MGST2: variants seen among roughly 807,000 people sequenced by gnomAD.
MGST2 encodes glutathione peroxidase MGST2.
MGST2 carries 9 observed loss-of-function variants against 16.6 expected under a neutral mutation model. The observed-to-expected ratio is 0.54, with a 90% CI of 0.33 to 0.95. MGST2 has a LOEUF of 0.95. MGST2 is among the 40% of genes least tolerant of loss of function. The pLI, the probability that MGST2 is intolerant of heterozygous loss-of-function variation, is 0.03. For synonymous variants in MGST2, 79 were observed against 68.0 expected, an observed-to-expected ratio of 1.16 and a Z score of -0.79; for missense variants, 159 against 175.1, an observed-to-expected ratio of 0.91 and a Z score of 0.52.
intron 1 of MGST2, among the ~76,000 whole-genome samples, chr4:139,674,493 C>G (rs1405030829): frequency 7.1e-6 from 1 of 141,550 alleles, no homozygotes; most frequent in Non-Finnish European, 1.5e-5. Flanking sequence ...CTTTTTTTAT[C>G]TGGTGTCTAG....
chr4:139,666,113 T>G (rs755244959), intron 1 of MGST2, 36 bp downstream of exon 1: 2 of 1,361,212 alleles, frequency 1.5e-6, no homozygotes, highest in Admixed American at 2.0e-5. Context: ...TGTGCGCGTG[T>G]GTGCGTGTGT....
chr4:139,698,789 TTTTCTTATCTTTTCC>T (rs1727082791), intron 3 of MGST2, among the ~76,000 whole-genome samples: 2 of 152,276 alleles, frequency 1.3e-5, no homozygotes, highest in Non-Finnish European at 2.9e-5. Context: ...TTCTTTTTTC[TTTTCTTATCTTTTCC>T]TTTCTTCTTT....
At position 139,730,323 on chromosome 4, in the gene MGST2, G is replaced by A. The variant is rs1056995319; in HGVS notation, c.*49-9889G>A. On this transcript the variant is annotated intron_variant, in intron 5 of 5. Coordinates refer to the MGST2 transcript ENST00000616265. ...GCTAGACCGTGAGCATCTTGATGGA[G>A]GATGTGAACTGCCACTTCCTCACAG... is the stretch of plus-strand genomic sequence containing the variant. The A allele has an allele frequency of 3.6e-6, 4 of 1,100,784 alleles. No individual in the cohort carries two copies. The African/African-American group carries it at 6.2e-5, about 17-fold the overall frequency. 68.2% of individuals were successfully genotyped at this position (1,100,784 alleles called of 1,614,324 possible).
chr4:139,665,829 G>T lies in MGST2; in HGVS notation c.-191G>T. 1 of 664,314 alleles carries T rather than the reference G, an allele frequency of 1.5e-6. No homozygotes were observed. Among genetic ancestry groups the T allele is most frequent in the Non-Finnish European group, 2.7e-6 (1 of 366,264 alleles). The allele number at this position is 664,314 out of a possible 1,614,324, so 41.2% of individuals were successfully genotyped here. A position where few individuals can be genotyped will look rare whatever the true frequency, so the allele number is the denominator to read the frequency against. On this transcript the variant is annotated 5_prime_UTR_variant, in exon 1 of 5. Coordinates refer to ENST00000265498, the MANE Select transcript of MGST2 (RefSeq NM_002413.5). Reference sequence around the variant, plus strand: ...GCAACTCCCAGCCCCATAAAGATCTGTGACCGGCAGCCCCAGACCTGCCTG... The same window carrying T: ...GCAACTCCCAGCCCCATAAAGATCTTTGACCGGCAGCCCCAGACCTGCCTG...
downstream of MGST2, among the ~76,000 whole-genome samples, chr4:139,744,412 C>T (rs1729259136): frequency 6.6e-6 from 1 of 152,132 alleles, no homozygotes; most frequent in Non-Finnish European, 1.5e-5. Context: ...ATATACCACC[C>T]CCCAGGAGCA....
At chr4:139,672,037 G>C (rs567992827) in intron 1 of MGST2, among the ~76,000 whole-genome samples, 1 of 152,298 alleles carries the variant, frequency 6.6e-6, no homozygotes, top group South Asian at 2.1e-4. Flanking sequence ...GGCTGGAGGT[G>C]AGCCCAGCTG....
intron 2 of MGST2, 133 bp downstream of exon 2, chr4:139,678,775 A>C: frequency 1.3e-6 from 1 of 756,966 alleles, no homozygotes; most frequent in Non-Finnish European, 2.3e-6. Context: ...CACTCTTCAC[A>C]GCCAAGACCG....
intron 3 of MGST2, among the ~76,000 whole-genome samples, chr4:139,695,738 C>T (rs1726881670): frequency 6.6e-6 from 1 of 152,204 alleles, no homozygotes; most frequent in Non-Finnish European, 1.5e-5. Flanking sequence ...ACTTTGGCTT[C>T]ATTCTAATTT....
intron 1 of MGST2, among the ~76,000 whole-genome samples, chr4:139,670,340 G>A (rs1730616471): frequency 6.6e-6 from 1 of 152,034 alleles, no homozygotes; most frequent in Non-Finnish European, 1.5e-5. Context: ...GAGTGACCAT[G>A]GCTCGGAGAA....
chr4:139,748,053 TAAAA>T, the MGST2 span, among the ~76,000 whole-genome samples: 13 of 95,532 alleles, frequency 1.4e-4, no homozygotes, highest in Admixed American at 2.3e-4. Flanking sequence ...AGACTTCGTC[TAAAA>T]AAAAAAAAAA....
At chr4:139,674,673 C>T (rs1730874955) in intron 1 of MGST2, among the ~76,000 whole-genome samples, 1 of 152,018 alleles carries the variant, frequency 6.6e-6, no homozygotes, top group Non-Finnish European at 1.5e-5. Context: ...CCCAGCTACT[C>T]AGGAGGTTGA....
downstream of MGST2, among the ~76,000 whole-genome samples, chr4:139,705,923 C>T (rs1260547953): frequency 6.6e-6 from 1 of 152,144 alleles, no homozygotes; most frequent in Admixed American, 6.5e-5. Flanking sequence ...ACGATTCTAC[C>T]TCACAGCTTT....
intron 5 of MGST2, among the ~76,000 whole-genome samples, chr4:139,736,864 C>A (rs2111010317): frequency 6.6e-6 from 1 of 152,312 alleles, no homozygotes; most frequent in African/African-American, 2.4e-5. Flanking sequence ...GCTGCACTTT[C>A]AAAAGCAAGT....
intron 3 of MGST2, among the ~76,000 whole-genome samples, chr4:139,702,407 A>G (rs751510992): frequency 2.0e-5 from 3 of 152,124 alleles, no homozygotes; most frequent in African/African-American, 4.8e-5. Flanking sequence ...TCCATTCTAG[A>G]ACTTCGTATA....
chr4:139,749,888 C>G, the MGST2 span, among the ~76,000 whole-genome samples: 2 of 107,526 alleles, frequency 1.9e-5, no homozygotes, highest in South Asian at 2.8e-4. Flanking sequence ...AATAAGAACC[C>G]CCCCCCACCC....
chr4:139,745,783 C>T, the MGST2 span, among the ~76,000 whole-genome samples: 1 of 152,206 alleles, frequency 6.6e-6, no homozygotes, highest in Admixed American at 6.5e-5. Context: ...GGATTTTAAA[C>T]ATACCACCTG....
chr4:139,693,435 G>T (rs1041236874), intron 2 of MGST2, among the ~76,000 whole-genome samples: 1 of 150,380 alleles, frequency 6.6e-6, no homozygotes, highest in Non-Finnish European at 1.5e-5. Flanking sequence ...GAAATTTTCA[G>T]TGAGTGTGGA....
the MGST2 span, among the ~76,000 whole-genome samples, chr4:139,754,374 T>C: frequency 6.6e-6 from 1 of 152,226 alleles, no homozygotes; most frequent in Non-Finnish European, 1.5e-5. Context: ...CTGCTGATTA[T>C]TACCACAAAA....
intron 2 of MGST2, among the ~76,000 whole-genome samples, chr4:139,686,140 G>A (rs75484528): frequency 0.014 from 2,147 of 152,314 alleles, 59 homozygotes; most frequent in African/African-American, 0.047. Flanking sequence ...GTCCAGAAAA[G>A]TGGGACAATG....
Sources: allele counts gnomAD v4.1 joint callset (sites outside exome capture counted in the v4.1 genomes callset), GRCh38; gene constraint gnomAD v4.1.1; transcripts MANE v1.5; gene names NCBI Gene and HGNC (gene_info 2026-07-23, HGNC 2026-07-21).